The following FRMD4A variants were observed in gnomAD, a reference collection of about 807,000 sequenced individuals.
FRMD4A encodes FERM domain containing 4A.
In FRMD4A, 29 loss-of-function variants were observed where a neutral mutation model predicts 129.1. The ratio of observed to expected loss-of-function variants is 0.22; its 90% confidence interval spans 0.17 to 0.31. FRMD4A has a LOEUF of 0.31. FRMD4A is among the 10% of genes least tolerant of loss of function. FRMD4A has a pLI of 1.00. For missense variants in FRMD4A, 1,272 were observed against 1,375.8 expected (o/e 0.92, Z 1.19); for synonymous variants, 634 against 571.6 (o/e 1.11, Z -1.56).
intron 2 of FRMD4A, among the ~76,000 whole-genome samples, chr10:14,130,707 A>G (rs1338705871): frequency 6.6e-6 from 1 of 152,092 alleles, no homozygotes; most frequent in Non-Finnish European, 1.5e-5. Flanking sequence ...GTACCTAAAA[A>G]CTGTACATAA....
intron 4 of FRMD4A, among the ~76,000 whole-genome samples, chr10:13,799,548 A>G (rs2093206260): frequency 1.3e-5 from 2 of 152,140 alleles, no homozygotes; most frequent in Admixed American, 6.5e-5. Flanking sequence ...GTGTCAGACA[A>G]ATTATCTTAA....
chr10:14,132,702 G>C (rs1465830627), intron 2 of FRMD4A, among the ~76,000 whole-genome samples: 5 of 152,218 alleles, frequency 3.3e-5, no homozygotes, highest in Non-Finnish European at 1.5e-5. Flanking sequence ...GAGCAGCCCA[G>C]GGCTGTCTGG....
chr10:13,663,139 G>A (rs989505432), intron 19 of FRMD4A, among the ~76,000 whole-genome samples: 2 of 150,632 alleles, frequency 1.3e-5, no homozygotes, highest in Admixed American at 1.3e-4. Context: ...GTAGTGAGCC[G>A]AGATCATACC....
chr10:14,161,203 G>A (rs1173972048), intron 2 of FRMD4A, among the ~76,000 whole-genome samples: 4 of 152,060 alleles, frequency 2.6e-5, no homozygotes, highest in Admixed American at 6.6e-5. Context: ...TAATCCACCC[G>A]CCTCGGCCTC....
chr10:14,088,387 C>T (rs1836422690), intron 2 of FRMD4A, among the ~76,000 whole-genome samples: 1 of 149,986 alleles, frequency 6.7e-6, no homozygotes. Context: ...GCCGAAGCTG[C>T]AATGAGCCAT....
At chr10:14,175,646 T>C (rs1841695259) in intron 2 of FRMD4A, among the ~76,000 whole-genome samples, 1 of 150,666 alleles carries the variant, frequency 6.6e-6, no homozygotes, top group Non-Finnish European at 1.5e-5. Flanking sequence ...TGCCTCAGCC[T>C]CCTGAATATC....
intron 2 of FRMD4A, among the ~76,000 whole-genome samples, chr10:14,258,172 A>G (rs1844680735): frequency 6.6e-6 from 1 of 151,820 alleles, no homozygotes. Flanking sequence ...AAAGAAATAC[A>G]TTTTACTTCA....
At chr10:13,799,984 C>A (rs1397225983) in intron 4 of FRMD4A, among the ~76,000 whole-genome samples, 3 of 151,604 alleles carry the variant, frequency 2.0e-5, no homozygotes, top group Non-Finnish European at 2.9e-5. Flanking sequence ...TCGAGACCAG[C>A]CTGACCAACA....
intron 2 of FRMD4A, among the ~76,000 whole-genome samples, chr10:13,981,789 A>C (rs1163047803): frequency 6.7e-6 from 1 of 149,622 alleles, no homozygotes; most frequent in African/African-American, 2.5e-5. Flanking sequence ...CAGGCTGGAG[A>C]CTGCTCCATC....
intron 2 of FRMD4A, among the ~76,000 whole-genome samples, chr10:13,906,935 C>T (rs1030119162): frequency 5.3e-5 from 8 of 152,162 alleles, no homozygotes; most frequent in African/African-American, 1.4e-4. Context: ...TCTAAAGGTG[C>T]GTGCTCTGAA....
intron 2 of FRMD4A, among the ~76,000 whole-genome samples, chr10:14,160,270 C>A (rs975969413): frequency 6.6e-6 from 1 of 151,982 alleles, no homozygotes; most frequent in Non-Finnish European, 1.5e-5. Context: ...CTCTCTCTCA[C>A]CATATTAAAA....
chr10:13,746,726 A>G (rs117503915), intron 9 of FRMD4A, among the ~76,000 whole-genome samples: 113 of 152,356 alleles, frequency 7.4e-4, no homozygotes, highest in Non-Finnish European at 1.4e-3. Flanking sequence ...AGGAGTTGCA[A>G]TGATTTCTGT....
chr10:13,842,783 C>T (rs1463945901), intron 3 of FRMD4A, among the ~76,000 whole-genome samples: 1 of 152,122 alleles, frequency 6.6e-6, no homozygotes, highest in Non-Finnish European at 1.5e-5. Flanking sequence ...GAGCTATGAT[C>T]ACGCCACTGC....
chr10:13,748,645 G>A (rs943096), intron 8 of FRMD4A, among the ~76,000 whole-genome samples: 39,977 of 151,846 alleles, frequency 0.26, 5,387 homozygotes, highest in Middle Eastern at 0.37. Context: ...TGTGAACTGC[G>A]TTGTCTGGGC....
At chr10:14,306,461 G>A (rs1340293128) in intron 2 of FRMD4A, among the ~76,000 whole-genome samples, 1 of 152,194 alleles carries the variant, frequency 6.6e-6, no homozygotes, top group East Asian at 1.9e-4. Flanking sequence ...GCAAACAGCT[G>A]AGCAAACTGA....
intron 13 of FRMD4A, among the ~76,000 whole-genome samples, chr10:13,702,801 T>C (rs1170876925): frequency 6.6e-6 from 1 of 151,828 alleles, no homozygotes; most frequent in Admixed American, 6.6e-5. Context: ...GTGCTAAAGA[T>C]TTAAAGTGGA....
In FRMD4A at chr10:13,690,585, G is replaced by A. The variant is rs144337925; in HGVS notation, c.1117+3313C>T. Among the ~76,000 whole-genome samples the A allele has an allele frequency of 6.0e-4, 92 of 152,328 alleles. 1 individual carries two copies. In the East Asian group the frequency reaches 0.014, roughly 23 times the overall value. ...CCCTGGCACTAAAGGATGTTTTTCA[G>A]GCTCAAACTTGCAGGGCTGGTAAGA... On this transcript the variant is annotated intron_variant, in intron 15 of 24. Transcript: ENST00000357447.
At chr10:13,666,661 G>A (rs764905261) in intron 17 of FRMD4A, among the ~76,000 whole-genome samples, 3 of 152,174 alleles carry the variant, frequency 2.0e-5, no homozygotes, top group African/African-American at 4.8e-5. Context: ...GAGATTCAGA[G>A]CCCAAGTGAC....
intron 2 of FRMD4A, among the ~76,000 whole-genome samples, chr10:14,206,114 G>A (rs1305666661): frequency 6.6e-6 from 1 of 152,136 alleles, no homozygotes; most frequent in Non-Finnish European, 1.5e-5. Flanking sequence ...CCTGCCACTG[G>A]TAATGGAAAC....
Sources: gnomAD v4.1 joint callset for allele counts (sites outside exome capture counted in the v4.1 genomes callset) on GRCh38, gnomAD v4.1.1 for gene constraint, MANE v1.5 for transcripts, NCBI Gene and HGNC (gene_info 2026-07-23, HGNC 2026-07-21) for gene names.